KRT6A: variants seen among roughly 807,000 people sequenced by gnomAD.
KRT6A encodes keratin 6A.
KRT6A carries 28 observed loss-of-function variants against 48.6 expected under a neutral mutation model. The ratio of observed to expected loss-of-function variants is 0.58; its 90% confidence interval spans 0.43 to 0.79. The LOEUF is 0.79. Ranked by LOEUF, KRT6A falls within the 30% of genes least tolerant of loss-of-function variation. The probability of loss-of-function intolerance (pLI) is 0.00; values close to 1 mark genes in which losing one functional copy is unlikely to be tolerated. For synonymous variants in KRT6A, 301 were observed against 294.2 expected (o/e 1.02, Z -0.24); for missense variants, 687 against 724.3 (o/e 0.95, Z 0.59).
chr12:52,488,572 A>G lies in KRT6A; in HGVS notation c.1204-24T>C, dbSNP rs143707397. 706 of 1,613,636 alleles carry G rather than the reference A, an allele frequency of 4.4e-4. 2 individuals carry two copies. Among genetic ancestry groups the G allele is most frequent in the Admixed American group, 2.1e-3 (126 of 59,968 alleles). On this transcript the variant is annotated intron_variant, in intron 6 of 8. Transcript: ENST00000330722. Reference sequence around the variant, plus strand: ...CACTGGAAGAGGAAAGGAATAGAAGAAACTTGTCATCCGGTCTTCCAGAGG... The same window carrying G: ...CACTGGAAGAGGAAAGGAATAGAAGGAACTTGTCATCCGGTCTTCCAGAGG...
At chr12:52,488,583 C>A in intron 6 of KRT6A, 35 bp from the exon 7 acceptor site, 1 of 1,611,926 alleles carries the variant, frequency 6.2e-7, no homozygotes, top group Non-Finnish European at 8.5e-7. Flanking sequence ...AACTTGTCAT[C>A]CGGTCTTCCA....
Position 52,487,796 on chromosome 12 carries a change from C to T in KRT6A, c.1619G>A (p.Ser540Asn). The change falls in exon 9 of 9, where the codon AGC becomes AAC. Residue 540 changes from serine (S) to asparagine (N), a missense_variant. Ser to Asn is a conservative substitution (Grantham distance 46, BLOSUM62 1). Around this residue, in one of 3 missense-constraint regions of KRT6A, gnomAD observed 566 missense variants for 565.3 expected, o/e 1.00. Transcript: ENST00000330722. Reference protein sequence around the residue: ...SSGRAIGGGLSSVGGGSSTIK... With the variant: ...SSGRAIGGGLNSVGGGSSTIK... Reference sequence around the variant, plus strand: ...GGTGGAACTGCCGCCTCCAACAGAGCTGAGGCCACCCCCAATGGCTCTGCC... The same window carrying T: ...GGTGGAACTGCCGCCTCCAACAGAGTTGAGGCCACCCCCAATGGCTCTGCC... The T allele has an allele frequency of 6.2e-7, 1 of 1,614,088 alleles. No individual in the cohort carries two copies.
rs1229053084 is a variant in KRT6A at position 52,489,973 on chromosome 12, C to A, written c.1173G>T (p.Leu391=). 2 of 1,613,992 alleles carry A rather than the reference C, an allele frequency of 1.2e-6. No homozygotes were observed. The highest frequency in any genetic ancestry group is 1.7e-6 in the Non-Finnish European group (2 of 1,180,034). The change falls in exon 6 of 9, where the codon CTG becomes CTT. Residue 391 remains leucine (L), a synonymous_variant. Transcript: ENST00000330722. Reference sequence around the variant, plus strand: ...TCTTGACGTGGTCGATCTCAGATCTCAGCCTCTGGATCATGCGGTTGATCT... The same window carrying A: ...TCTTGACGTGGTCGATCTCAGATCTAAGCCTCTGGATCATGCGGTTGATCT... The part of the protein sequence containing the change: ...IAEINRMIQR[L]RSEIDHVKKQ...
rs2939599 is a variant in KRT6A at position 52,493,207 on chromosome 12, A to T, written c.-19T>A. The T allele has an allele frequency of 1.9e-6, 3 of 1,613,826 alleles. No homozygotes were observed. Among genetic ancestry groups the T allele is most frequent in the African/African-American group, 1.3e-5 (1 of 74,868 alleles). On this transcript the variant is annotated 5_prime_UTR_variant, in exon 1 of 9. Transcript: ENST00000330722. Reference sequence around the variant, plus strand: ...TGGCCATGGTTCCAGGAGATGAGAGAGCTGAGGAGAGTGTGAGAGGCTGGA... The same window carrying T: ...TGGCCATGGTTCCAGGAGATGAGAGTGCTGAGGAGAGTGTGAGAGGCTGGA...
intron 5 of KRT6A, chr12:52,490,276 T>C (rs1938236803): frequency 1.9e-6 from 2 of 1,056,792 alleles, no homozygotes; most frequent in Non-Finnish European, 2.8e-6. Flanking sequence ...CTGCCTAGTT[T>C]CTTTAGGGAG....
Position 52,491,551 on chromosome 12 carries a change from C to A in KRT6A, c.726G>T (p.Met242Ile), listed in dbSNP as rs777881234. 1 of 1,614,202 alleles carries A rather than the reference C, an allele frequency of 6.2e-7. No homozygotes were observed. The highest frequency in any genetic ancestry group is 8.5e-7 in the Non-Finnish European group (1 of 1,180,040). The change falls in exon 2 of 9, where the codon ATG becomes ATT. Residue 242 changes from methionine to isoleucine, a missense_variant. Physicochemically the swap from Met to Ile is conservative, Grantham distance 10 (BLOSUM62 1). Coordinates refer to ENST00000330722, the MANE Select transcript of KRT6A (RefSeq NM_005554.4). ...RGRLDSELRG[M>I]QDLVEDFKNK... ...TCTTGAAGTCCTCCACCAGGTCCTG[C>A]ATGCCTCTGAGCTCTGAGTCCAGGC...
chr12:52,487,644 A>C lies in KRT6A; in HGVS notation c.*76T>G, dbSNP rs28667515. 930,910 of 1,596,318 alleles carry C rather than the reference A, an allele frequency of 0.58. 273,590 individuals carry two copies. The highest frequency in any genetic ancestry group is 0.72 in the East Asian group (32,207 of 44,678). On this transcript the variant is annotated 3_prime_UTR_variant, in exon 9 of 9. Transcript: ENST00000330722. ...GGGGAGACTGGAGGCCAGGAGAGGA[A>C]AGGCAACCTGAGGAGAGGGCTCTGC...
rs373623240 is a variant in KRT6A, at chr12:52,491,142, T to C, written c.786A>G (p.Ala262=). 2.2e-5 allele frequency: 36 copies of C among 1,613,992 alleles called. No individual in the cohort carries two copies. The African/African-American group carries it at 4.3e-4, about 19-fold the overall frequency. ...TCAGAGTCACAAATTCATTCTCTGC[T>C]GCTGTGCGCTTGTTGATTTCATCCT... The part of the protein sequence containing the change: ...KYEDEINKRT[A]AENEFVTLKK... Residue 262 remains alanine (A), a synonymous_variant, in exon 3 of 9, where the codon GCA becomes GCG. Transcript: ENST00000330722.
Position 52,487,492 on chromosome 12 carries a change from G to C in KRT6A, c.*228C>G. On this transcript the variant is annotated 3_prime_UTR_variant, in exon 9 of 9. Transcript: ENST00000330722. Reference sequence around the variant, plus strand: ...ATTTAGTAACAGTGAAGCTCCAGTGGTGATTACATCATGATGTAAAATCAG... The same window carrying C: ...ATTTAGTAACAGTGAAGCTCCAGTGCTGATTACATCATGATGTAAAATCAG... 1.7e-6 allele frequency: 1 copy of C among 605,328 alleles called. No homozygotes were observed. Among genetic ancestry groups the C allele is most frequent in the Non-Finnish European group, 2.9e-6 (1 of 340,310 alleles). The allele number at this position is 605,328 out of a possible 1,614,324, so 37.5% of individuals were successfully genotyped here. A position where few individuals can be genotyped will look rare whatever the true frequency, so the allele number is the denominator to read the frequency against.
Position 52,493,171 on chromosome 12 carries a change from G to A in KRT6A, c.18C>T (p.Thr6=). The A allele has an allele frequency of 1.9e-6, 3 of 1,614,166 alleles. No individual in the cohort carries two copies. The highest frequency in any genetic ancestry group is 2.2e-5 in the South Asian group (2 of 91,078). Residue 6 remains threonine, a synonymous_variant, in exon 1 of 9, where the codon ACC becomes ACT. Coordinates refer to ENST00000330722, the MANE Select transcript of KRT6A (RefSeq NM_005554.4). The part of the protein sequence containing the change: MASTS[T]TIRSHSSSRR... ...GGCTGCTGCTGTGGCTCCTGATGGTGGTGGATGTGCTGGCCATGGTTCCAG... is the reference window on the plus strand; with the variant it reads ...GGCTGCTGCTGTGGCTCCTGATGGTAGTGGATGTGCTGGCCATGGTTCCAG...
Position 52,490,993 on chromosome 12 carries a change from C to T in KRT6A, c.817-40G>A, listed in dbSNP as rs772102436. 5 of 1,613,788 alleles carry T rather than the reference C, an allele frequency of 3.1e-6. No homozygotes were observed. In the African/African-American group the frequency reaches 5.3e-5, roughly 17 times the overall value. The stretch of plus-strand genomic sequence containing the variant: ...AACAACCTGGAGTTACCTGAGCTCA[C>T]CTTTCCAATCTACCCATCTTCTAGT... On this transcript the variant is annotated intron_variant, in intron 3 of 8. Transcript: ENST00000330722.
Position 52,487,808 on chromosome 12 carries a change from C to G in KRT6A, c.1607G>C (p.Gly536Ala). ...GCCTCCAACAGAGCTGAGGCCACCC[C>G]CAATGGCTCTGCCACTGCTGGAACT... Reference protein sequence around the residue: ...GFSSSSGRAIGGGLSSVGGGS... With the variant: ...GFSSSSGRAIAGGLSSVGGGS... The change falls in exon 9 of 9, where the codon GGG becomes GCG. Residue 536 changes from glycine (G) to alanine (A), a missense_variant. Transcript: ENST00000330722. The G allele has an allele frequency of 3.7e-6, 6 of 1,614,074 alleles. No homozygotes were observed. Among genetic ancestry groups the G allele is most frequent in the Non-Finnish European group, 3.4e-6 (4 of 1,179,934 alleles).
intron 6 of KRT6A, among the ~76,000 whole-genome samples, chr12:52,489,043 A>C (rs757099512): frequency 6.6e-6 from 1 of 151,764 alleles, no homozygotes; most frequent in Non-Finnish European, 1.5e-5. Flanking sequence ...TCTCTCTTTC[A>C]CCTTGAGTCT....
Position 52,487,770 on chromosome 12 carries a change from T to C in KRT6A, c.1645A>G (p.Ile549Val), listed in dbSNP as rs1226188935. Residue 549 changes from isoleucine (I) to valine (V), a missense_variant, in exon 9 of 9, where the codon ATC becomes GTC. Physicochemically the swap from Ile to Val is conservative, Grantham distance 29. Transcript: ENST00000330722. ...GAGGAGGAGGTGGTGGTGTACTTGA[T>C]GGTGGAACTGCCGCCTCCAACAGAG... Reference protein sequence around the residue: ...LSSVGGGSSTIKYTTTSSSSR... With the variant: ...LSSVGGGSSTVKYTTTSSSSR... The C allele has an allele frequency of 1.2e-6, 2 of 1,614,116 alleles. No homozygotes were observed. The highest frequency in any genetic ancestry group is 1.3e-5 in the African/African-American group (1 of 75,046).
chr12:52,489,849 T>A, intron 6 of KRT6A, 94 bp downstream of exon 6: 2 of 1,600,478 alleles, frequency 1.2e-6, no homozygotes, highest in South Asian at 1.1e-5. Flanking sequence ...CTGGTTTTGA[T>A]AAGTTCCAGG....
At chr12:52,489,254 T>C (rs891535909) in intron 6 of KRT6A, among the ~76,000 whole-genome samples, 1 of 149,808 alleles carries the variant, frequency 6.7e-6, no homozygotes, top group Middle Eastern at 3.4e-3. Flanking sequence ...TCTTAAACTT[T>C]CTGAATACAT....
At chr12:52,490,483 A>G in intron 5 of KRT6A, 86 bp downstream of exon 5, 2 of 1,602,236 alleles carry the variant, frequency 1.2e-6, no homozygotes, top group Non-Finnish European at 1.7e-6. Context: ...GCTTCCTGTC[A>G]GGGGATGTCC....
In KRT6A at chr12:52,491,254, C is replaced by T. The variant is rs538199684; in HGVS notation, c.756-82G>A. 122 of 1,608,780 alleles carry T rather than the reference C, an allele frequency of 7.6e-5. 1 individual carries two copies. The highest frequency in any genetic ancestry group is 3.3e-4 in the East Asian group (15 of 44,850). The stretch of plus-strand genomic sequence containing the variant: ...AGCAGCCTGGGATTCAACATTTTCC[C>T]GAATGGAATATATTCTAATTGGGCT... On this transcript the variant is annotated intron_variant, in intron 2 of 8. Coordinates refer to ENST00000330722, the MANE Select transcript of KRT6A (RefSeq NM_005554.4).
rs1258506758 is a variant in KRT6A, at chr12:52,488,533, C to A, written c.1219G>T (p.Ala407Ser). 1 of 1,614,146 alleles carries A rather than the reference C, an allele frequency of 6.2e-7. No homozygotes were observed. The highest frequency in any genetic ancestry group is 2.2e-5 in the East Asian group (1 of 44,874). Reference sequence around the variant, plus strand: ...CGCTGCTCAGCATCAGCAATGGCGGCCTGCAGGTTGGCGCACTGGAAGAGG... The same window carrying A: ...CGCTGCTCAGCATCAGCAATGGCGGACTGCAGGTTGGCGCACTGGAAGAGG... ...HVKKQCANLQ[A>S]AIADAEQRGE... Residue 407 changes from alanine to serine, a missense_variant, in exon 7 of 9, where the codon GCC (alanine) becomes TCC (serine). Ala to Ser is a moderately conservative substitution (Grantham distance 99). Around this residue, in one of 3 missense-constraint regions of KRT6A, gnomAD observed 566 missense variants for 565.3 expected, o/e 1.00. Transcript: ENST00000330722.
Sources: allele counts gnomAD v4.1 joint callset (sites outside exome capture counted in the v4.1 genomes callset), GRCh38; gene constraint gnomAD v4.1.1; regional missense constraint gnomAD v4.1.1; transcripts MANE v1.5; gene names NCBI Gene and HGNC (gene_info 2026-07-23, HGNC 2026-07-21).